SOS2: variants seen among roughly 807,000 people sequenced by gnomAD.
SOS2 encodes the protein SOS Ras/Rho guanine nucleotide exchange factor 2.
A neutral mutation model predicts 148.2 loss-of-function variants in SOS2; 65 were observed. That is an observed-to-expected ratio of 0.44 (90% CI 0.36 to 0.54). SOS2 has a LOEUF of 0.54. Ranked by LOEUF, SOS2 falls within the 20% of genes least tolerant of loss-of-function variation. The pLI is 0.00. For synonymous variants in SOS2, 539 were observed against 537.1 expected (o/e 1.00, Z -0.05); for missense variants, 1,341 against 1,590.2 (o/e 0.84, Z 2.67).
At chr14:50,219,855 G>C (rs539253239) in intron 1 of SOS2, among the ~76,000 whole-genome samples, 1 of 151,904 alleles carries the variant, frequency 6.6e-6, no homozygotes, top group African/African-American at 2.4e-5. Context: ...TTTTTGGGGG[G>C]CAGGGGAGAG....
At chr14:50,163,553 C>A (rs761257075) in intron 8 of SOS2, among the ~76,000 whole-genome samples, 8 of 152,016 alleles carry the variant, frequency 5.3e-5, no homozygotes, top group Non-Finnish European at 1.0e-4. Flanking sequence ...AGAAGTAATA[C>A]CTTAATCTCT....
chr14:50,224,883 C>CA lies in SOS2; in HGVS notation c.87+6313dup, dbSNP rs373602186. On this transcript the variant is annotated intron_variant, in intron 1 of 22. Coordinates refer to ENST00000216373, the MANE Select transcript of SOS2 (RefSeq NM_006939.4). ...CCTGCGTAGCAGAGCAAAACCCTGT[C>CA]AAAAAAAAAAAAAAAGAGAGAGAGA... 7.3e-3 allele frequency among the ~76,000 whole-genome samples: 707 copies of CA among 96,676 alleles called. 24 individuals carry two copies. Among genetic ancestry groups the CA allele is most frequent in the South Asian group, 0.037 (106 of 2,862 alleles). The allele number at this position is 96,676 out of a possible 152,430, so 63.4% of individuals were successfully genotyped here.
At chr14:50,187,815 G>A (rs1885966280) in intron 5 of SOS2, among the ~76,000 whole-genome samples, 1 of 152,008 alleles carries the variant, frequency 6.6e-6, no homozygotes, top group South Asian at 2.1e-4. Flanking sequence ...TAACCCCATG[G>A]TATTCTGAGC....
At chr14:50,158,430 T>A (rs1884886298) in intron 11 of SOS2, 135 bp downstream of exon 11, 1 of 571,320 alleles carries the variant, frequency 1.8e-6, no homozygotes, top group African/African-American at 1.9e-5. Context: ...AAGAGAATAG[T>A]AATACTGCCA....
At chr14:50,175,005 G>T (rs772766386) in intron 7 of SOS2, among the ~76,000 whole-genome samples, 1 of 152,090 alleles carries the variant, frequency 6.6e-6, no homozygotes, top group African/African-American at 2.4e-5. Context: ...TATGAAAAAC[G>T]TCTGTCATAC....
intron 1 of SOS2, among the ~76,000 whole-genome samples, chr14:50,206,001 CTAATA>C (rs1396694799): frequency 9.4e-5 from 14 of 149,124 alleles, no homozygotes; most frequent in Non-Finnish European, 1.5e-4. Flanking sequence ...TCTTTCATTT[CTAATA>C]TTAGTTATTT....
At chr14:50,178,671 C>CGCAT (rs1566839578) in intron 7 of SOS2, among the ~76,000 whole-genome samples, 1 of 14,454 alleles carries the variant, frequency 6.9e-5, no homozygotes, top group Admixed American at 9.9e-4. Flanking sequence ...TGTGTGTGTG[C>CGCAT]ATATATATAT....
chr14:50,174,946 T>G (rs1320334118), intron 7 of SOS2, among the ~76,000 whole-genome samples: 1 of 152,248 alleles, frequency 6.6e-6, no homozygotes, highest in Non-Finnish European at 1.5e-5. Flanking sequence ...ATGTGATTTA[T>G]AACTATTTCA....
intron 8 of SOS2, among the ~76,000 whole-genome samples, chr14:50,170,159 C>T (rs1690067082): frequency 6.6e-6 from 1 of 151,082 alleles, no homozygotes; most frequent in Non-Finnish European, 1.5e-5. Context: ...TCTTGAACTC[C>T]TGGGCTCAAG....
intron 11 of SOS2, among the ~76,000 whole-genome samples, chr14:50,157,565 T>C (rs1206370114): frequency 2.0e-5 from 3 of 152,056 alleles, no homozygotes; most frequent in African/African-American, 7.2e-5. Flanking sequence ...AAGATAAAGA[T>C]AAAAAACCTT....
intron 8 of SOS2, among the ~76,000 whole-genome samples, chr14:50,172,788 TAC>T (rs1355648319): frequency 6.6e-6 from 1 of 152,146 alleles, no homozygotes; most frequent in Non-Finnish European, 1.5e-5. Flanking sequence ...TCTAATTCCT[TAC>T]ACAATTTCCC....
rs112221991 is a variant in SOS2 at position 50,201,000 on chromosome 14, T to C, written c.298A>G (p.Arg100Gly). The change falls in exon 3 of 23, where the codon AGA becomes GGA. Residue 100 changes from arginine to glycine, a missense_variant. By Grantham distance (125) the Arg-to-Gly change is moderately radical. Coordinates refer to ENST00000216373, the MANE Select transcript of SOS2 (RefSeq NM_006939.4). The stretch of plus-strand genomic sequence containing the variant: ...TCCACAGGCAGTAAAAGAGGATTTC[T>C]TCGTTTTCGTTTTTCTATAGCAGAT... ...AQSAIEKRKR[R>G]NPLLLPVDKI... is the part of the protein sequence containing the mutation. 2 of 1,614,010 alleles carry C rather than the reference T, an allele frequency of 1.2e-6. No individual in the cohort carries two copies. Among genetic ancestry groups the C allele is most frequent in the Non-Finnish European group, 1.7e-6 (2 of 1,179,944 alleles).
chr14:50,189,256 G>A (rs1251905004), intron 4 of SOS2, among the ~76,000 whole-genome samples: 1 of 137,896 alleles, frequency 7.3e-6, no homozygotes, highest in Non-Finnish European at 1.5e-5. Context: ...ATGAACTAAT[G>A]GTGAAATATG....
chr14:50,189,650 G>A (rs991110810), intron 4 of SOS2, among the ~76,000 whole-genome samples: 1 of 152,044 alleles, frequency 6.6e-6, no homozygotes, highest in Non-Finnish European at 1.5e-5. Flanking sequence ...AGATCAGTGC[G>A]ATGCATTTCT....
chr14:50,200,860 C>G (rs756452594), intron 3 of SOS2, 93 bp downstream of exon 3: 12 of 1,205,344 alleles, frequency 1.0e-5, no homozygotes, highest in Non-Finnish European at 1.4e-5. Context: ...CACACTAACA[C>G]AGACCATGCT....
chr14:50,138,247 C>A (rs539383236), intron 18 of SOS2, among the ~76,000 whole-genome samples: 8 of 152,248 alleles, frequency 5.3e-5, no homozygotes, highest in Admixed American at 2.0e-4. Flanking sequence ...ACCTACCCCT[C>A]CTAGGCTCAA....
At chr14:50,126,868 C>T (rs192593703) in intron 21 of SOS2, among the ~76,000 whole-genome samples, 14 of 146,746 alleles carry the variant, frequency 9.5e-5, no homozygotes, top group Admixed American at 7.6e-4. Flanking sequence ...ATCGAACACT[C>T]GAATCTCTAA....
At chr14:50,150,568 T>A (rs1884627976) in intron 13 of SOS2, among the ~76,000 whole-genome samples, 1 of 150,702 alleles carries the variant, frequency 6.6e-6, no homozygotes, top group Admixed American at 6.6e-5. Context: ...ATTTTCCTTT[T>A]TTTTTTTTTT....
At position 50,215,734 on chromosome 14, in the gene SOS2, A is replaced by C. The variant is rs74050739; in HGVS notation, c.88-11325T>G. 9.0e-3 allele frequency among the ~76,000 whole-genome samples: 1,368 copies of C among 152,222 alleles called. 18 individuals carry two copies. The highest frequency in any genetic ancestry group is 0.03 in the African/African-American group (1,249 of 41,490). ...AAAACTTAAAGTATAATAAAAAAAA[A>C]CAAAAAACAAAATAGTCTCATACTA... is the stretch of plus-strand genomic sequence containing the variant. On this transcript the variant is annotated intron_variant, in intron 1 of 22. Coordinates refer to ENST00000216373, the MANE Select transcript of SOS2 (RefSeq NM_006939.4).
Sources: gnomAD v4.1 joint callset for allele counts (sites outside exome capture counted in the v4.1 genomes callset) on GRCh38, gnomAD v4.1.1 for gene constraint, MANE v1.5 for transcripts, NCBI Gene and HGNC (gene_info 2026-07-23, HGNC 2026-07-21) for gene names.